The following STK32A variants were observed in gnomAD, a reference collection of about 807,000 sequenced individuals.
The protein encoded by STK32A is serine/threonine-protein kinase 32A.
In STK32A, 41 loss-of-function variants were observed where a neutral mutation model predicts 53.2. The ratio of observed to expected loss-of-function variants is 0.77; its 90% CI spans 0.60 to 1.00. The LOEUF (loss-of-function observed/expected upper bound fraction) is 1.00, where lower values mean the gene tolerates loss of function less well. STK32A is among the 50% of genes least tolerant of loss of function. The pLI is 0.00. For missense variants in STK32A, 458 were observed against 485.8 expected (o/e 0.94, Z 0.54); for synonymous variants, 166 against 162.8 (o/e 1.02, Z -0.15).
intron 5 of STK32A, among the ~76,000 whole-genome samples, chr5:147,337,889 G>GGCTA (rs1755215875): frequency 6.6e-6 from 1 of 152,102 alleles, no homozygotes; most frequent in Non-Finnish European, 1.5e-5. Flanking sequence ...GCTAGTCAGG[G>GGCTA]GCTAGGCTGT....
At chr5:147,375,409 C>T (rs948181275) in intron 11 of STK32A, 191 bp downstream of exon 11, 2 of 540,856 alleles carry the variant, frequency 3.7e-6, no homozygotes. Context: ...CAACATTTTA[C>T]TTGTAGGCTT....
intron 2 of STK32A, among the ~76,000 whole-genome samples, chr5:147,276,552 C>T (rs1025280925): frequency 6.6e-6 from 1 of 152,094 alleles, no homozygotes; most frequent in African/African-American, 2.4e-5. Flanking sequence ...ATTCTTATAG[C>T]TTAGTTTTAT....
At chr5:147,245,846 G>C (rs1753750810) in intron 2 of STK32A, among the ~76,000 whole-genome samples, 1 of 152,184 alleles carries the variant, frequency 6.6e-6, no homozygotes, top group Admixed American at 6.5e-5. Context: ...CATCTCCTAG[G>C]ATATGTGGCT....
At chr5:147,260,656 T>C (rs973245322) in intron 2 of STK32A, among the ~76,000 whole-genome samples, 1 of 152,134 alleles carries the variant, frequency 6.6e-6, no homozygotes, top group African/African-American at 2.4e-5. Context: ...GAGGTTGACC[T>C]GTTTCCCCCA....
intron 5 of STK32A, chr5:147,342,727 G>T (rs1214530176): frequency 2.3e-6 from 1 of 429,568 alleles, no homozygotes; most frequent in Non-Finnish European, 4.2e-6. Context: ...GCTATAGGAA[G>T]TTTAGAGTCT....
At chr5:147,389,177 A>T (rs1442434248), downstream of STK32A, among the ~76,000 whole-genome samples, 1 of 152,202 alleles carries the variant, frequency 6.6e-6, no homozygotes, top group Non-Finnish European at 1.5e-5. Context: ...GCAATTAATC[A>T]GAAATGGCCA....
chr5:147,263,467 G>C (rs1754673144), intron 2 of STK32A, among the ~76,000 whole-genome samples: 1 of 151,994 alleles, frequency 6.6e-6, no homozygotes, highest in Admixed American at 6.6e-5. Flanking sequence ...AATGAACAGG[G>C]AAAAAGTTAG....
chr5:147,377,113 C>A (rs1056523171), intron 11 of STK32A, among the ~76,000 whole-genome samples: 2 of 152,118 alleles, frequency 1.3e-5, no homozygotes, highest in African/African-American at 4.8e-5. Flanking sequence ...CTTCACCTAT[C>A]CCATAAGTTT....
intron 5 of STK32A, among the ~76,000 whole-genome samples, chr5:147,328,312 A>T (rs888727552): frequency 6.6e-6 from 1 of 152,236 alleles, no homozygotes; most frequent in Non-Finnish European, 1.5e-5. Context: ...AAAAAAAACC[A>T]TAAGATCTGT....
At chr5:147,265,707 A>G (rs1327631366) in intron 2 of STK32A, among the ~76,000 whole-genome samples, 3 of 152,020 alleles carry the variant, frequency 2.0e-5, no homozygotes, top group African/African-American at 7.2e-5. Context: ...CAGATACTCA[A>G]TGAATGTTTG....
the STK32A span, chr5:147,401,823 G>T: frequency 1.8e-6 from 2 of 1,134,656 alleles, no homozygotes; most frequent in Non-Finnish European, 2.4e-6. Flanking sequence ...CTGGGTTCAA[G>T]TCCATGTTCC....
chr5:147,267,029 C>CA (rs60526828), intron 2 of STK32A, among the ~76,000 whole-genome samples: 6,335 of 120,966 alleles, frequency 0.052, 176 homozygotes, highest in Middle Eastern at 0.13. Context: ...AACTCCATCT[C>CA]AAAAAAAAAA....
chr5:147,383,516 C>T lies in STK32A; in HGVS notation c.1097+11C>T, dbSNP rs1305567189. 1 of 1,575,912 alleles carries T rather than the reference C, an allele frequency of 6.3e-7. No homozygotes were observed. ...TTTCAACAGAGAAAAGTAAGTAATT[C>T]CTGGGAGAACAACAGCCCCAGAAAT... On this transcript the variant is annotated intron_variant, in intron 12 of 12. Transcript: ENST00000397936.
chr5:147,289,367 C>G (rs1204896359), intron 4 of STK32A, among the ~76,000 whole-genome samples: 1 of 152,094 alleles, frequency 6.6e-6, no homozygotes, highest in African/African-American at 2.4e-5. Context: ...TTTGTGTACT[C>G]TATTTTATGG....
intron 5 of STK32A, among the ~76,000 whole-genome samples, chr5:147,331,938 A>C (rs945971580): frequency 1.3e-5 from 2 of 152,204 alleles, no homozygotes; most frequent in African/African-American, 2.4e-5. Context: ...CCCTGCTGGC[A>C]TCTTGATTTT....
rs553044252 is a variant in STK32A at position 147,312,061 on chromosome 5, C to T, written c.261-11837C>T. On this transcript the variant is annotated intron_variant, in intron 4 of 12. Transcript: ENST00000397936. ...GAGTCTTTAAGTCTTCCAAGACTTA[C>T]GTACAAGTTTCTTATTGCTAAAATG... is the stretch of plus-strand genomic sequence containing the variant. Among the ~76,000 whole-genome samples, 23 of 152,168 alleles carry T rather than the reference C, an allele frequency of 1.5e-4. 1 individual carries two copies. The South Asian group carries it at 4.0e-3, about 26-fold the overall frequency.
chr5:147,245,186 A>T (rs778401491), intron 2 of STK32A, among the ~76,000 whole-genome samples: 1 of 152,218 alleles, frequency 6.6e-6, no homozygotes, highest in African/African-American at 2.4e-5. Flanking sequence ...CAAAATCAAG[A>T]ACTAATTGGG....
At chr5:147,253,514 G>A (rs1377210402) in intron 2 of STK32A, among the ~76,000 whole-genome samples, 1 of 152,056 alleles carries the variant, frequency 6.6e-6, no homozygotes, top group Admixed American at 6.6e-5. Flanking sequence ...TACCACGCCC[G>A]GCTAATTTTT....
chr5:147,243,978 C>A (rs1753683382), intron 2 of STK32A, among the ~76,000 whole-genome samples: 1 of 152,110 alleles, frequency 6.6e-6, no homozygotes, highest in African/African-American at 2.4e-5. Context: ...CACCACTACC[C>A]ATCTTCAGAA....
Sources: gnomAD v4.1 joint callset for allele counts (sites outside exome capture counted in the v4.1 genomes callset) on GRCh38, gnomAD v4.1.1 for gene constraint, MANE v1.5 for transcripts, NCBI Gene and HGNC (gene_info 2026-07-23, HGNC 2026-07-21) for gene names.